Variants in MAP1LC3A observed in about 807,000 individuals in gnomAD.
MAP1LC3A encodes the protein microtubule associated protein 1 light chain 3 alpha.
MAP1LC3A carries 10 observed loss-of-function variants against 15.2 expected under a neutral mutation model. The ratio of observed to expected loss-of-function variants is 0.66; its 90% confidence interval spans 0.41 to 1.12. MAP1LC3A has a LOEUF of 1.12. Ranked by LOEUF, MAP1LC3A falls within the 50% of genes most tolerant of loss-of-function variation. The pLI is 0.00. For synonymous variants in MAP1LC3A, 63 were observed against 64.3 expected (o/e 0.98, Z 0.10); for missense variants, 138 against 167.3 (o/e 0.82, Z 0.97).
intron 1 of MAP1LC3A, among the ~76,000 whole-genome samples, chr20:34,549,092 C>A (rs1296473135): frequency 1.3e-5 from 2 of 152,036 alleles, no homozygotes; most frequent in Non-Finnish European, 2.9e-5. Context: ...GTGGTGCAAT[C>A]TTGGCTCACT....
chr20:34,556,345 G>C (rs1982157756), upstream of MAP1LC3A, among the ~76,000 whole-genome samples: 2 of 152,174 alleles, frequency 1.3e-5, no homozygotes, highest in African/African-American at 4.8e-5. Context: ...GGTCATTTTT[G>C]TAAATGTTCC....
upstream of MAP1LC3A, chr20:34,558,515 C>T (rs1400497229): frequency 2.8e-6 from 3 of 1,070,184 alleles, no homozygotes; most frequent in Non-Finnish European, 3.4e-6. This position sits in a 1 kb window ranked among gnomAD's most constrained non-coding sequence, Gnocchi z 4.3. Flanking sequence ...ACCTTGAGTT[C>T]GGGCTGCGGG....
upstream of MAP1LC3A, among the ~76,000 whole-genome samples, chr20:34,555,147 ATT>A (rs1227966508): frequency 3.5e-5 from 5 of 143,556 alleles, no homozygotes; most frequent in East Asian, 2.0e-4. Context: ...GAATTTTCTT[ATT>A]TTTTTTTTTT....
chr20:34,559,163 CTGGGCCG>C, intron 1 of MAP1LC3A, 38 bp from the exon 2 acceptor site: 1 of 1,509,510 alleles, frequency 6.6e-7, no homozygotes, highest in Non-Finnish European at 8.8e-7. Context: ...CGGGGCGGAC[CTGGGCCG>C]GCCCGACCCG....
At chr20:34,549,871 C>A in intron 1 of MAP1LC3A, 2 of 899,714 alleles carry the variant, frequency 2.2e-6, no homozygotes, top group South Asian at 1.4e-5. Context: ...CTGCCTCCTG[C>A]CTCCGTGCTG....
At chr20:34,557,361 T>A (rs368554560), upstream of MAP1LC3A, among the ~76,000 whole-genome samples, 46 of 152,354 alleles carry the variant, frequency 3.0e-4, no homozygotes, top group East Asian at 8.1e-3. Context: ...ATTCTTTTGG[T>A]GATCCTCTTA....
upstream of MAP1LC3A, among the ~76,000 whole-genome samples, chr20:34,553,733 A>T (rs1395938805): frequency 6.6e-6 from 1 of 152,182 alleles, no homozygotes; most frequent in Non-Finnish European, 1.5e-5. Flanking sequence ...ACTACAGCAG[A>T]ACCAGGTGGC....
intron 1 of MAP1LC3A, among the ~76,000 whole-genome samples, chr20:34,547,937 G>A (rs1182143864): frequency 2.0e-5 from 3 of 152,148 alleles, no homozygotes; most frequent in Non-Finnish European, 2.9e-5. Context: ...TCAGATAGGC[G>A]GGGGTCAGTG....
At chr20:34,550,812 A>T (rs974953098) in intron 2 of MAP1LC3A, among the ~76,000 whole-genome samples, 4 of 152,044 alleles carry the variant, frequency 2.6e-5, no homozygotes, top group South Asian at 4.1e-4. Context: ...TATAATTAAA[A>T]ATATATATAT....
At chr20:34,550,854 G>C (rs908209021) in intron 2 of MAP1LC3A, among the ~76,000 whole-genome samples, 3 of 152,160 alleles carry the variant, frequency 2.0e-5, no homozygotes, top group African/African-American at 7.2e-5. Flanking sequence ...GAAACGTTCA[G>C]AGCAGTTTTA....
chr20:34,556,496 T>C (rs1212307949), upstream of MAP1LC3A, among the ~76,000 whole-genome samples: 2 of 152,354 alleles, frequency 1.3e-5, no homozygotes, highest in African/African-American at 4.8e-5. Flanking sequence ...ATGTCCTTTT[T>C]TTTTTGGTTG....
In MAP1LC3A at chr20:34,558,859, G is replaced by C; in HGVS notation, c.-10G>C. On this transcript the variant is annotated 5_prime_UTR_variant, in exon 1 of 4. Coordinates refer to ENST00000360668, the MANE Select transcript of MAP1LC3A (RefSeq NM_032514.4). The surrounding 1 kb of genome is among the most constrained non-coding windows in gnomAD (Gnocchi z 4.3). ...GAGCCCCGGCCTGCGCGCCCAGCCGGGCCCGCGCGATGCCCTCAGACCGGC... is the reference window on the plus strand; with the variant it reads ...GAGCCCCGGCCTGCGCGCCCAGCCGCGCCCGCGCGATGCCCTCAGACCGGC... 7.0e-7 allele frequency: 1 copy of C among 1,437,910 alleles called. No homozygotes were observed. Among genetic ancestry groups the C allele is most frequent in the Non-Finnish European group, 9.1e-7 (1 of 1,101,636 alleles). 89.1% of individuals were successfully genotyped at this position (1,437,910 alleles called of 1,614,324 possible).
upstream of MAP1LC3A, among the ~76,000 whole-genome samples, chr20:34,554,303 T>C (rs6059910): frequency 0.83 from 124,622 of 150,630 alleles, 51,886 homozygotes; most frequent in Admixed American, 0.91. Flanking sequence ...TTTCATGTTT[T>C]ACCACATAGT....
chr20:34,558,243 T>C (rs1982232598), upstream of MAP1LC3A: 1 of 981,834 alleles, frequency 1.0e-6, no homozygotes, highest in Non-Finnish European at 1.2e-6. The surrounding 1 kb of genome is among the most constrained non-coding windows in gnomAD (Gnocchi z 4.3). Context: ...TTTTCAATTA[T>C]ATTATTCTTT....
At chr20:34,553,499 A>C (rs547203419) in intron 2 of MAP1LC3A, among the ~76,000 whole-genome samples, 58 of 152,214 alleles carry the variant, frequency 3.8e-4, no homozygotes, top group African/African-American at 1.3e-3. Flanking sequence ...GTCTGACAAA[A>C]GACAGGTGTA....
intron 2 of MAP1LC3A, among the ~76,000 whole-genome samples, chr20:34,550,281 C>G (rs1436527339): frequency 6.6e-6 from 1 of 152,176 alleles, no homozygotes; most frequent in East Asian, 1.9e-4. Context: ...AGAAACGACT[C>G]CCCCAACCTC....
At chr20:34,557,681 C>T (rs1982209262), upstream of MAP1LC3A, among the ~76,000 whole-genome samples, 1 of 152,156 alleles carries the variant, frequency 6.6e-6, no homozygotes, top group South Asian at 2.1e-4. Context: ...AATCCCAGCA[C>T]TTTGGGAGGC....
chr20:34,557,406 A>C (rs535798624), upstream of MAP1LC3A, among the ~76,000 whole-genome samples: 3 of 152,332 alleles, frequency 2.0e-5, no homozygotes, highest in African/African-American at 7.2e-5. Context: ...TTACAAAGCC[A>C]GACAATGCTC....
upstream of MAP1LC3A, among the ~76,000 whole-genome samples, chr20:34,555,013 TTTG>T (rs955258041): frequency 2.6e-5 from 4 of 151,616 alleles, no homozygotes; most frequent in East Asian, 1.9e-4. Context: ...TGGCCTATTT[TTTG>T]TTGTTGTTGT....
Sources: gnomAD v4.1 joint callset for allele counts (sites outside exome capture counted in the v4.1 genomes callset) on GRCh38, gnomAD v4.1.1 for gene constraint, Gnocchi (gnomAD v3.1) non-coding constraint, MANE v1.5 for transcripts, NCBI Gene and HGNC (gene_info 2026-07-23, HGNC 2026-07-21) for gene names.